The following BHLHE40 variants were observed in gnomAD, a reference collection of about 807,000 sequenced individuals.
BHLHE40 encodes the protein class E basic helix-loop-helix protein 40.
BHLHE40 carries 3 observed loss-of-function variants against 35.7 expected under a neutral mutation model. The ratio of observed to expected loss-of-function variants is 0.08; its 90% confidence interval spans 0.04 to 0.22. The LOEUF is 0.22. Among genes scored for constraint, BHLHE40 ranks in the 10% least tolerant of loss-of-function variants. The pLI, the probability that BHLHE40 is intolerant of heterozygous loss-of-function variation, is 1.00. For missense variants in BHLHE40, 486 were observed against 524.0 expected, an observed-to-expected ratio of 0.93 and a Z score of 0.71; for synonymous variants, 236 against 213.0, an observed-to-expected ratio of 1.11 and a Z score of -0.94.
At chr3:4,979,877 G>C (rs1458878410) in intron 1 of BHLHE40, 79 bp downstream of exon 1, 5 of 1,606,754 alleles carry the variant, frequency 3.1e-6, no homozygotes, top group South Asian at 2.2e-5. Flanking sequence ...GAGCAGCTCC[G>C]GGCGCACCGG....
At chr3:4,981,551 T>C in intron 4 of BHLHE40, 36 bp downstream of exon 4, 2 of 1,607,088 alleles carry the variant, frequency 1.2e-6, no homozygotes, top group African/African-American at 1.3e-5. Context: ...TCTTTAAGAG[T>C]TTGAGTGCAA....
rs1001785054 is a variant in BHLHE40 at position 4,985,028 on chromosome 3, GAAT to G, written c.*1340_*1342del. 5 of 152,360 alleles carry G rather than the reference GAAT, an allele frequency of 3.3e-5. No individual in the cohort carries two copies. Among genetic ancestry groups the G allele is most frequent in the Admixed American group, 6.5e-5 (1 of 15,274 alleles). The allele number at this position is 152,360 out of a possible 1,614,324, so 9.4% of individuals were successfully genotyped here. A position where few individuals can be genotyped will look rare whatever the true frequency, so the allele number is the denominator to read the frequency against. The stretch of plus-strand genomic sequence containing the variant: ...AATGTATTCCTGTTTTTGAAGAGAA[GAAT>G]AATTTTTTTTTTCTCTAGGGAGAGG... On this transcript the variant is annotated 3_prime_UTR_variant, in exon 5 of 5. Coordinates refer to ENST00000256495, the MANE Select transcript of BHLHE40 (RefSeq NM_003670.3).
intron 2 of BHLHE40, 128 bp downstream of exon 2, chr3:4,980,159 A>C (rs1251265557): frequency 1.7e-6 from 2 of 1,155,436 alleles, no homozygotes; most frequent in Non-Finnish European, 2.6e-6. Context: ...CTTCTGAGTG[A>C]CTTGGAAAAG....
chr3:4,983,850 G>GTGTA lies in BHLHE40; in HGVS notation c.*161_*162insATGT, dbSNP rs1553562126. The GTGTA allele has an allele frequency of 2.9e-3, 2,733 of 956,080 alleles. 3 individuals carry two copies. Among genetic ancestry groups the GTGTA allele is most frequent in the Admixed American group, 7.7e-3 (275 of 35,512 alleles). The allele number at this position is 956,080 out of a possible 1,614,324, so 59.2% of individuals were successfully genotyped here. ...TCAGGGTGTGTGTGTGTGTGTGTGT[G>GTGTA]TGTGTATGTGCGTGTGCGTGCACAT... is the stretch of plus-strand genomic sequence containing the variant. On this transcript the variant is annotated 3_prime_UTR_variant, in exon 5 of 5. Transcript: ENST00000256495. The surrounding 1 kb of genome is among the most constrained non-coding windows in gnomAD (Gnocchi z 5.0).
In BHLHE40 at chr3:4,983,854, G is replaced by GTA; in HGVS notation, c.*164_*165dup. On this transcript the variant is annotated 3_prime_UTR_variant, in exon 5 of 5. Coordinates refer to ENST00000256495, the MANE Select transcript of BHLHE40 (RefSeq NM_003670.3). The surrounding 1 kb of genome is among the most constrained non-coding windows in gnomAD (Gnocchi z 5.0). ...GGTGTGTGTGTGTGTGTGTGTGTGT[G>GTA]TATGTGCGTGTGCGTGCACATGTGT... The GTA allele has an allele frequency of 1.0e-6, 1 of 975,898 alleles. No homozygotes were observed. The highest frequency in any genetic ancestry group is 1.5e-6 in the Non-Finnish European group (1 of 675,176). 60.5% of individuals were successfully genotyped at this position (975,898 alleles called of 1,614,324 possible). A position where few individuals can be genotyped will look rare whatever the true frequency, so the allele number is the denominator to read the frequency against.
intron 4 of BHLHE40, among the ~76,000 whole-genome samples, chr3:4,982,598 A>G (rs528483736): frequency 8.0e-4 from 122 of 152,348 alleles, no homozygotes; most frequent in African/African-American, 2.7e-3. Context: ...ATGATAGGAT[A>G]TTATGCAACC....
rs751261744 is a variant in BHLHE40 at position 4,982,976 on chromosome 3, C to T, written c.523C>T (p.Leu175Phe). Reference protein sequence around the residue: ...DLKSSQLVTHLHRVVSELLQG... With the variant: ...DLKSSQLVTHFHRVVSELLQG... ...GAAGTCTTCGCAGCTTGTCACCCACCTCCACCGGGTGGTCTCGGAGCTGCT... is the reference window on the plus strand; with the variant it reads ...GAAGTCTTCGCAGCTTGTCACCCACTTCCACCGGGTGGTCTCGGAGCTGCT... Residue 175 changes from leucine (L) to phenylalanine (F), a missense_variant, in exon 5 of 5, where the codon CTC becomes TTC. Physicochemically the swap from Leu to Phe is conservative, Grantham distance 22. Coordinates refer to ENST00000256495, the MANE Select transcript of BHLHE40 (RefSeq NM_003670.3). 4.3e-6 allele frequency: 7 copies of T among 1,613,082 alleles called. No individual in the cohort carries two copies. Among genetic ancestry groups the T allele is most frequent in the Non-Finnish European group, 5.9e-6 (7 of 1,179,240 alleles).
At chr3:4,980,237 G>T in intron 2 of BHLHE40, 64 bp from the exon 3 acceptor site, 1 of 1,413,716 alleles carries the variant, frequency 7.1e-7, no homozygotes, top group South Asian at 1.2e-5. Context: ...TTGCTGCGGG[G>T]CTGGGAGGAT....
Position 4,979,561 on chromosome 3 carries a change from C to G in BHLHE40, c.-158C>G, listed in dbSNP as rs2053170020. On this transcript the variant is annotated 5_prime_UTR_variant, in exon 1 of 5. It adds an upstream start codon to the 5' untranslated region. Coordinates refer to ENST00000256495, the MANE Select transcript of BHLHE40 (RefSeq NM_003670.3). The stretch of plus-strand genomic sequence containing the variant: ...TGCACGCCCCCAACTGAAGCTGCAT[C>G]TCAAAGCCGAAGATTCCAGCAGCCC... The G allele has an allele frequency of 1.3e-6, 1 of 777,274 alleles. No homozygotes were observed. Among genetic ancestry groups the G allele is most frequent in the Non-Finnish European group, 2.0e-6 (1 of 493,990 alleles). 48.1% of individuals were successfully genotyped at this position (777,274 alleles called of 1,614,324 possible). A position where few individuals can be genotyped will look rare whatever the true frequency, so the allele number is the denominator to read the frequency against.
intron 4 of BHLHE40, chr3:4,981,752 G>A: frequency 2.3e-6 from 1 of 441,986 alleles, no homozygotes; most frequent in African/African-American, 2.0e-5. Flanking sequence ...ATTTTAGCTT[G>A]AGAGTCTCTG....
chr3:4,981,546 A>G lies in BHLHE40; in HGVS notation c.382+31A>G, dbSNP rs564872988. The G allele has an allele frequency of 5.9e-4, 943 of 1,610,296 alleles. 15 individuals are homozygous for G. In the South Asian group the frequency reaches 9.8e-3, roughly 17 times the overall value. On this transcript the variant is annotated intron_variant, in intron 4 of 4. Transcript: ENST00000256495. ...TGCTGATTCTGGCTATGCTCTCTTT[A>G]AGAGTTTGAGTGCAAATAGAGAGCC...
In BHLHE40 at chr3:4,979,515, G is replaced by A. The variant is rs1025351026; in HGVS notation, c.-204G>A. On this transcript the variant is annotated 5_prime_UTR_variant, in exon 1 of 5. Transcript: ENST00000256495. Reference sequence around the variant, plus strand: ...GTCTGTGCGCTGAGTCGGAGCCAGAGGCCGCGGGGACACCGGGCCATGCAC... The same window carrying A: ...GTCTGTGCGCTGAGTCGGAGCCAGAAGCCGCGGGGACACCGGGCCATGCAC... 6.5e-6 allele frequency: 4 copies of A among 614,586 alleles called. No homozygotes were observed. The African/African-American group carries it at 7.4e-5, about 11-fold the overall frequency. 38.1% of individuals were successfully genotyped at this position (614,586 alleles called of 1,614,324 possible).
chr3:4,983,124 A>G lies in BHLHE40; in HGVS notation c.671A>G (p.Gln224Arg). 1.2e-6 allele frequency: 2 copies of G among 1,614,164 alleles called. No individual in the cohort carries two copies. Among genetic ancestry groups the G allele is most frequent in the African/African-American group, 1.3e-5 (1 of 75,058 alleles). Residue 224 changes from glutamine (Q) to arginine (R), a missense_variant, in exon 5 of 5, where the codon CAG (glutamine) becomes CGG (arginine). Gln to Arg is a conservative substitution (Grantham distance 43). This residue lies in a region of BHLHE40 where 176 missense variants were observed against 180.5 expected (regional missense o/e 0.98). Coordinates refer to ENST00000256495, the MANE Select transcript of BHLHE40 (RefSeq NM_003670.3). This position sits in a 1 kb window ranked among gnomAD's most constrained non-coding sequence, Gnocchi z 5.0. ...GPGKNCVPVI[Q>R]RTFAHSSGEQ... ...GGGAAAAACTGCGTGCCAGTCATCC[A>G]GCGGACTTTCGCTCACTCGAGTGGG...
Position 4,979,441 on chromosome 3 carries a change from A to G in BHLHE40, c.-278A>G, listed in dbSNP as rs1269960529. ...TCCCCGCCCGCCCCACTTCTCATTC[A>G]CTTGGCTCGCACGGCGCAGACAGAC... is the stretch of plus-strand genomic sequence containing the variant. On this transcript the variant is annotated 5_prime_UTR_variant, in exon 1 of 5. Transcript: ENST00000256495. 1 of 184,612 alleles carries G rather than the reference A, an allele frequency of 5.4e-6. No individual in the cohort carries two copies. Among genetic ancestry groups the G allele is most frequent in the Non-Finnish European group, 1.1e-5 (1 of 92,412 alleles). 11.4% of individuals were successfully genotyped at this position (184,612 alleles called of 1,614,324 possible).
chr3:4,983,290 G>C lies in BHLHE40; in HGVS notation c.837G>C (p.Lys279Asn), dbSNP rs2053216131. The stretch of plus-strand genomic sequence containing the variant: ...TGGGAGAAAGGATCGGCGCAATTAA[G>C]CAAGAGTCCGAAGAACCCCCCACAA... ...FTMGERIGAI[K>N]QESEEPPTKK... The change falls in exon 5 of 5, where the codon AAG (lysine) becomes AAC (asparagine). Residue 279 changes from lysine (K) to asparagine (N), a missense_variant. This residue lies in a region of BHLHE40 where 206 missense variants were observed against 208.9 expected (regional missense o/e 0.99). Coordinates refer to ENST00000256495, the MANE Select transcript of BHLHE40 (RefSeq NM_003670.3). This position sits in a 1 kb window ranked among gnomAD's most constrained non-coding sequence, Gnocchi z 5.0. The C allele has an allele frequency of 6.2e-7, 1 of 1,614,088 alleles. No individual in the cohort carries two copies.
chr3:4,979,679 G>A lies in BHLHE40; in HGVS notation c.-40G>A. The A allele has an allele frequency of 1.3e-6, 2 of 1,548,342 alleles. No homozygotes were observed. Among genetic ancestry groups the A allele is most frequent in the Non-Finnish European group, 1.7e-6 (2 of 1,145,640 alleles). The stretch of plus-strand genomic sequence containing the variant: ...CAGTCCTCATCCAGACGCTCCGCTA[G>A]TGCAGACAGGAGCGCGCAGTGGCCC... On this transcript the variant is annotated 5_prime_UTR_variant, in exon 1 of 5. The change creates a new upstream start codon in the 5' untranslated region. Transcript: ENST00000256495.
At position 4,982,510 on chromosome 3, in the gene BHLHE40, C is replaced by T. The variant is rs376076750; in HGVS notation, c.383-326C>T. 8.5e-5 allele frequency among the ~76,000 whole-genome samples: 13 copies of T among 152,294 alleles called. 4 individuals carry two copies. Among genetic ancestry groups the T allele is most frequent in the Admixed American group, 1.3e-4 (2 of 15,300 alleles). On this transcript the variant is annotated intron_variant, in intron 4 of 4. Coordinates refer to ENST00000256495, the MANE Select transcript of BHLHE40 (RefSeq NM_003670.3). ...AGAATGTTCTTTGCTGCCTCGCTTA[C>T]ATGGAAAACTCACAAACCACCTATA...
chr3:4,981,305 T>C lies in BHLHE40; in HGVS notation c.259-87T>C, dbSNP rs997352065. The C allele has an allele frequency of 6.6e-6, 10 of 1,509,098 alleles. No homozygotes were observed. In the African/African-American group the frequency reaches 9.8e-5, roughly 15 times the overall value. The allele number at this position is 1,509,098 out of a possible 1,614,324, so 93.5% of individuals were successfully genotyped here. A position where few individuals can be genotyped will look rare whatever the true frequency, so the allele number is the denominator to read the frequency against. The stretch of plus-strand genomic sequence containing the variant: ...AGGAAACACTATTCCACTTTTTTTT[T>C]TCTTTTCTCATTTCTCATTGCTAAT... On this transcript the variant is annotated intron_variant, in intron 3 of 4. Transcript: ENST00000256495.
Position 4,983,230 on chromosome 3 carries a change from G to A in BHLHE40, c.777G>A (p.Pro259=), listed in dbSNP as rs766554209. The A allele has an allele frequency of 2.7e-5, 43 of 1,614,206 alleles. No homozygotes were observed. Among genetic ancestry groups the A allele is most frequent in the Admixed American group, 8.3e-5 (5 of 60,028 alleles). ...SEKGDLRSEQ[P]CFKSDHGRRF... ...AGGGCGACTTGCGCAGTGAGCAGCC[G>A]TGCTTCAAAAGTGACCACGGACGCA... The change falls in exon 5 of 5, where the codon CCG becomes CCA. Residue 259 remains proline, a synonymous_variant. Transcript: ENST00000256495. The surrounding 1 kb of genome is among the most constrained non-coding windows in gnomAD (Gnocchi z 5.0).
Sources: gnomAD v4.1 joint callset for allele counts (sites outside exome capture counted in the v4.1 genomes callset) on GRCh38, gnomAD v4.1.1 for gene constraint, gnomAD v4.1.1 regional missense constraint, Gnocchi (gnomAD v3.1) non-coding constraint, MANE v1.5 for transcripts, NCBI Gene and HGNC (gene_info 2026-07-23, HGNC 2026-07-21) for gene names.